Variants in WWOX observed in about 807,000 individuals in gnomAD.
WWOX encodes WW domain containing oxidoreductase, also known as WW domain-containing oxidoreductase.
In WWOX, 69 loss-of-function variants were observed where a neutral mutation model predicts 46.2. The ratio of observed to expected loss-of-function variants is 1.49; its 90% CI spans 1.23 to 1.82. WWOX has a LOEUF of 1.82. Ranked by LOEUF, WWOX falls within the 40% of genes most tolerant of loss-of-function variation. The pLI is 0.00. For synonymous variants in WWOX, 359 were observed against 202.6 expected, an observed-to-expected ratio of 1.77 and a Z score of -6.56; for missense variants, 919 against 542.6, an observed-to-expected ratio of 1.69 and a Z score of -6.89.
At chr16:78,736,507 C>T (rs2049095187) in intron 8 of WWOX, among the ~76,000 whole-genome samples, 1 of 152,202 alleles carries the variant, frequency 6.6e-6, no homozygotes, top group Non-Finnish European at 1.5e-5. Context: ...CATGTGACAA[C>T]ACACATATCA....
chr16:79,145,185 TATCA>T (rs1271057529), intron 8 of WWOX, among the ~76,000 whole-genome samples: 5 of 152,230 alleles, frequency 3.3e-5, no homozygotes, highest in African/African-American at 1.2e-4. Context: ...TTTTATTCTC[TATCA>T]GTGTAATTTA....
intron 8 of WWOX, chr16:78,996,376 AC>A: frequency 4.3e-6 from 2 of 470,362 alleles, no homozygotes; most frequent in Non-Finnish European, 2.4e-6. Context: ...TTCTGCACCC[AC>A]CCCCGCCCCC....
intron 8 of WWOX, among the ~76,000 whole-genome samples, chr16:78,769,455 C>T (rs1232826079): frequency 6.6e-6 from 1 of 152,064 alleles, no homozygotes; most frequent in Non-Finnish European, 1.5e-5. Context: ...AAAGCAAAGT[C>T]CTTGCTTGCA....
intron 8 of WWOX, among the ~76,000 whole-genome samples, chr16:78,758,463 A>G (rs889309996): frequency 6.6e-6 from 1 of 152,230 alleles, no homozygotes; most frequent in African/African-American, 2.4e-5. Context: ...TTGGTTAGGC[A>G]TGTTTATTAC....
intron 8 of WWOX, among the ~76,000 whole-genome samples, chr16:79,083,607 A>G (rs771844209): frequency 5.9e-5 from 9 of 152,216 alleles, no homozygotes; most frequent in Non-Finnish European, 1.2e-4. Context: ...TCCAAAATGC[A>G]TTACAGGCTC....
intron 8 of WWOX, among the ~76,000 whole-genome samples, chr16:78,866,460 G>C (rs1197151748): frequency 2.0e-5 from 3 of 151,950 alleles, no homozygotes; most frequent in Non-Finnish European, 4.4e-5. Flanking sequence ...TTGCATATCA[G>C]CTGTGTGGGT....
intron 8 of WWOX, among the ~76,000 whole-genome samples, chr16:78,753,760 C>T (rs2049546935): frequency 1.5e-5 from 2 of 134,128 alleles, no homozygotes; most frequent in Non-Finnish European, 3.1e-5. Context: ...AAAGATCACA[C>T]CACTGCAGTC....
chr16:78,516,146 C>A (rs989232450), intron 8 of WWOX, among the ~76,000 whole-genome samples: 1 of 152,138 alleles, frequency 6.6e-6, no homozygotes, highest in African/African-American at 2.4e-5. Context: ...TCCGCAGTGC[C>A]CAGGCCAGAA....
At chr16:78,601,310 T>C (rs76066242) in intron 8 of WWOX, among the ~76,000 whole-genome samples, 2,450 of 152,304 alleles carry the variant, frequency 0.016, 49 homozygotes, top group East Asian at 0.069. Flanking sequence ...CTCTGAATTC[T>C]ATAAACTGTT....
intron 8 of WWOX, chr16:78,756,867 G>T: frequency 1.4e-6 from 1 of 702,056 alleles, no homozygotes; most frequent in East Asian, 2.7e-5. Flanking sequence ...AGACATCAGA[G>T]CATGTGACTT....
intron 8 of WWOX, among the ~76,000 whole-genome samples, chr16:78,638,083 C>A (rs1025292437): frequency 2.6e-5 from 4 of 152,166 alleles, no homozygotes; most frequent in African/African-American, 9.7e-5. Flanking sequence ...TTCCCCAATC[C>A]AAGCTAAGCT....
At chr16:79,130,519 A>T (rs564107575) in intron 8 of WWOX, among the ~76,000 whole-genome samples, 1 of 152,250 alleles carries the variant, frequency 6.6e-6, no homozygotes, top group South Asian at 2.1e-4. Context: ...GACTCCAGAG[A>T]TCAGGACTCA....
intron 8 of WWOX, among the ~76,000 whole-genome samples, chr16:78,913,099 A>G (rs1041946010): frequency 1.3e-5 from 2 of 151,878 alleles, no homozygotes; most frequent in African/African-American, 2.4e-5. Flanking sequence ...TGCTTCCCAC[A>G]TCTGACATCC....
intron 5 of WWOX, among the ~76,000 whole-genome samples, chr16:78,218,698 G>A (rs2036799173): frequency 6.6e-6 from 1 of 152,200 alleles, no homozygotes; most frequent in Non-Finnish European, 1.5e-5. Context: ...GCAAAGTAGG[G>A]AAAGCACGAC....
intron 8 of WWOX, chr16:79,202,801 A>G (rs1055984774): frequency 3.9e-5 from 6 of 152,242 alleles, no homozygotes; most frequent in Non-Finnish European, 1.5e-5. Context: ...GAAACAAGAG[A>G]AAGATCTACA....
chr16:78,244,544 A>T (rs1410402426), intron 5 of WWOX, among the ~76,000 whole-genome samples: 2 of 152,108 alleles, frequency 1.3e-5, no homozygotes, highest in African/African-American at 4.8e-5. Flanking sequence ...TTCTATTTTT[A>T]GTCACGTTGG....
Position 79,120,655 on chromosome 16 carries a change from G to A in WWOX, c.1057-90953G>A, listed in dbSNP as rs181693612. 2.1e-3 allele frequency among the ~76,000 whole-genome samples: 315 copies of A among 152,278 alleles called. 2 individuals carry two copies. Among genetic ancestry groups the A allele is most frequent in the African/African-American group, 7.4e-3 (306 of 41,560 alleles). On this transcript the variant is annotated intron_variant, in intron 8 of 8. Coordinates refer to ENST00000566780, the MANE Select transcript of WWOX (RefSeq NM_016373.4). ...GAGACTTTGTTCTTCGCCCTTCCCG[G>A]CTTCAGGTCGCGGTAAGCATTCCTT...
At chr16:78,511,071 C>T (rs2085349213) in intron 8 of WWOX, among the ~76,000 whole-genome samples, 2 of 152,210 alleles carry the variant, frequency 1.3e-5, no homozygotes, top group South Asian at 4.1e-4. Context: ...TTTATAGTCC[C>T]AGGGTGTTTT....
intron 8 of WWOX, among the ~76,000 whole-genome samples, chr16:78,476,865 CCCTT>C (rs1375213633): frequency 4.6e-5 from 7 of 152,034 alleles, no homozygotes; most frequent in Non-Finnish European, 8.8e-5. Context: ...TTCCTTCCCT[CCCTT>C]CCTGATTTCC....
Sources: allele counts gnomAD v4.1 joint callset (sites outside exome capture counted in the v4.1 genomes callset), GRCh38; gene constraint gnomAD v4.1.1; transcripts MANE v1.5; gene names NCBI Gene and HGNC (gene_info 2026-07-23, HGNC 2026-07-21).